PDE1A: variants seen among roughly 807,000 people sequenced by gnomAD.
The protein encoded by PDE1A is dual specificity calcium/calmodulin-dependent 3',5'-cyclic nucleotide phosphodiesterase 1A.
A neutral mutation model predicts 61.7 loss-of-function variants in PDE1A; 35 were observed. The ratio of observed to expected loss-of-function variants is 0.57; its 90% CI spans 0.43 to 0.75. PDE1A has a LOEUF of 0.75. Among genes scored for constraint, PDE1A ranks in the 30% least tolerant of loss-of-function variants. The pLI is 0.00. For synonymous variants in PDE1A, 232 were observed against 213.2 expected (o/e 1.09, Z -0.77); for missense variants, 597 against 630.6 (o/e 0.95, Z 0.57).
intron 1 of PDE1A, among the ~76,000 whole-genome samples, chr2:182,274,060 C>T (rs976155967): frequency 6.6e-6 from 1 of 152,050 alleles, no homozygotes. Flanking sequence ...TCACTGTAAC[C>T]TCACATGGTA....
intron 13 of PDE1A, chr2:182,168,405 G>A (rs183462109): frequency 2.6e-4 from 235 of 907,282 alleles, no homozygotes; most frequent in African/African-American, 6.0e-4. Flanking sequence ...AATTACTGTC[G>A]TAAAATTATG....
At chr2:182,406,485 T>C (rs1574575956) in intron 1 of PDE1A, among the ~76,000 whole-genome samples, 2 of 152,146 alleles carry the variant, frequency 1.3e-5, no homozygotes, top group South Asian at 2.1e-4. Context: ...CAAGTATAAA[T>C]TATCAACTGC....
At chr2:182,511,799 C>G (rs1689812024) in intron 2 of PDE1A, among the ~76,000 whole-genome samples, 1 of 152,176 alleles carries the variant, frequency 6.6e-6, no homozygotes, top group Non-Finnish European at 1.5e-5. Flanking sequence ...AGATACTGAA[C>G]TGGGGTGCTT....
the PDE1A span, among the ~76,000 whole-genome samples, chr2:182,547,495 G>A: frequency 1.3e-5 from 2 of 152,160 alleles, no homozygotes; most frequent in Non-Finnish European, 2.9e-5. Flanking sequence ...AACGACATCA[G>A]AATTTACTTC....
the PDE1A span, among the ~76,000 whole-genome samples, chr2:182,643,197 G>A: frequency 6.6e-6 from 1 of 152,140 alleles, no homozygotes; most frequent in Non-Finnish European, 1.5e-5. Flanking sequence ...CTCCAGCTCC[G>A]TATTAGCCAG....
chr2:182,697,128 C>T, the PDE1A span, among the ~76,000 whole-genome samples: 15 of 152,280 alleles, frequency 9.9e-5, no homozygotes, highest in Admixed American at 8.5e-4. Flanking sequence ...CCATGAGAGT[C>T]ATTACCATCT....
At chr2:182,583,185 C>T in the PDE1A span, among the ~76,000 whole-genome samples, 1 of 152,116 alleles carries the variant, frequency 6.6e-6, no homozygotes, top group African/African-American at 2.4e-5. Flanking sequence ...ATAAGAGAGG[C>T]TGTTCTTTTT....
the PDE1A span, among the ~76,000 whole-genome samples, chr2:182,620,399 A>C: frequency 6.6e-6 from 1 of 152,162 alleles, no homozygotes; most frequent in Non-Finnish European, 1.5e-5. Context: ...GCATCTATAA[A>C]TTTGTCCAGA....
intron 1 of PDE1A, among the ~76,000 whole-genome samples, chr2:182,373,255 G>A (rs1559388334): frequency 6.6e-6 from 1 of 152,134 alleles, no homozygotes; most frequent in Non-Finnish European, 1.5e-5. Flanking sequence ...TGGCCTCAGG[G>A]GTGACCTGGG....
At chr2:182,292,663 G>T (rs1694615130) in intron 1 of PDE1A, among the ~76,000 whole-genome samples, 1 of 151,868 alleles carries the variant, frequency 6.6e-6, no homozygotes, top group African/African-American at 2.4e-5. Context: ...GCAGAAAACA[G>T]AAACAAGAAA....
intron 1 of PDE1A, among the ~76,000 whole-genome samples, chr2:182,399,288 T>C (rs1574553873): frequency 6.6e-6 from 1 of 152,010 alleles, no homozygotes; most frequent in African/African-American, 2.4e-5. Flanking sequence ...TTTTGACACA[T>C]GCATAGATTA....
the PDE1A span, among the ~76,000 whole-genome samples, chr2:182,594,761 C>T: frequency 1.3e-5 from 2 of 152,144 alleles, no homozygotes; most frequent in Non-Finnish European, 2.9e-5. Context: ...TAAGCAGGCA[C>T]GGAGTCCAAC....
chr2:182,549,722 T>C, the PDE1A span, among the ~76,000 whole-genome samples: 1 of 152,160 alleles, frequency 6.6e-6, no homozygotes, highest in Non-Finnish European at 1.5e-5. Context: ...TTTTTTTCAT[T>C]CCTTCACCAA....
chr2:182,192,532 C>T lies in PDE1A; in HGVS notation c.1126-3472G>A, dbSNP rs190358092. ...TAGATTTGGCCACCTTTATAATTTC[C>T]TCATTCTGTCCCAGGATAAGGAATA... On this transcript the variant is annotated intron_variant, in intron 10 of 13. Transcript: ENST00000351439. 9.2e-5 allele frequency among the ~76,000 whole-genome samples: 14 copies of T among 152,142 alleles called. No individual in the cohort carries two copies. The South Asian group carries it at 2.9e-3, about 32-fold the overall frequency.
At chr2:182,481,067 A>C (rs1687671486) in intron 2 of PDE1A, among the ~76,000 whole-genome samples, 1 of 151,914 alleles carries the variant, frequency 6.6e-6, no homozygotes, top group African/African-American at 2.4e-5. Context: ...GAAGAGTTTT[A>C]CACCGGATAT....
At chr2:182,565,568 C>G in the PDE1A span, among the ~76,000 whole-genome samples, 1 of 152,212 alleles carries the variant, frequency 6.6e-6, no homozygotes, top group African/African-American at 2.4e-5. Flanking sequence ...ACGAAAAGCA[C>G]AGAATCAAAG....
intron 8 of PDE1A, among the ~76,000 whole-genome samples, chr2:182,205,364 T>C (rs537043367): frequency 4.6e-5 from 7 of 152,070 alleles, no homozygotes; most frequent in Non-Finnish European, 1.0e-4. Flanking sequence ...AGAAAGGTTA[T>C]AAGAGGGATG....
At chr2:182,672,068 A>T in the PDE1A span, among the ~76,000 whole-genome samples, 12,635 of 152,244 alleles carry the variant, frequency 0.083, 689 homozygotes, top group Non-Finnish European at 0.13. Context: ...TTCATGCTAA[A>T]TAGCATACTT....
the PDE1A span, among the ~76,000 whole-genome samples, chr2:182,580,360 T>G: frequency 6.6e-6 from 1 of 152,194 alleles, no homozygotes; most frequent in African/African-American, 2.4e-5. Context: ...GCTTCTCTCA[T>G]TCGCTTATGG....
Sources: allele counts gnomAD v4.1 joint callset (sites outside exome capture counted in the v4.1 genomes callset), GRCh38; gene constraint gnomAD v4.1.1; transcripts MANE v1.5; gene names NCBI Gene and HGNC (gene_info 2026-07-23, HGNC 2026-07-21).